The following USH2A variants were observed in gnomAD, a reference collection of about 807,000 sequenced individuals.
USH2A encodes the protein Usher syndrome 2A (autosomal recessive, mild).
USH2A carries 443 observed loss-of-function variants against 538.9 expected under a neutral mutation model. The ratio of observed to expected loss-of-function variants is 0.82; its 90% CI spans 0.76 to 0.89. The LOEUF is 0.89. Among genes scored for constraint, USH2A ranks in the 40% least tolerant of loss-of-function variants. USH2A has a pLI of 0.00. For missense variants in USH2A, 6,633 were observed against 6,324.8 expected, an observed-to-expected ratio of 1.05 and a Z score of -1.65; for synonymous variants, 2,413 against 2,273.5, an observed-to-expected ratio of 1.06 and a Z score of -1.75.
intron 19 of USH2A, 115 bp from the exon 20 acceptor site, chr1:216,190,482 C>T: frequency 2.2e-6 from 3 of 1,383,224 alleles, no homozygotes; most frequent in Non-Finnish European, 2.9e-6. Flanking sequence ...TATTGCCAAC[C>T]ACCATTAGGA....
chr1:216,084,737 G>A lies in USH2A; in HGVS notation c.5128C>T (p.Pro1710Ser). 2 of 1,613,348 alleles carry A rather than the reference G, an allele frequency of 1.2e-6. No individual in the cohort carries two copies. The highest frequency in any genetic ancestry group is 1.1e-5 in the South Asian group (1 of 91,074). The change falls in exon 25 of 72, where the codon CCC becomes TCC. Residue 1710 changes from proline (P) to serine (S), a missense_variant. Pro to Ser is a moderately conservative substitution (Grantham distance 74). Coordinates refer to ENST00000307340, the MANE Select transcript of USH2A (RefSeq NM_206933.4). ...TGAGCTCCCTCATTTAATGAAGCGG[G>A]ACATCCCTCCCAGCTGTTATACACG... ...INVYNSWEGC[P>S]ASLNEGAQFL... is the part of the protein sequence containing the mutation.
chr1:216,134,445 G>A (rs2033439720), intron 21 of USH2A, among the ~76,000 whole-genome samples: 2 of 151,954 alleles, frequency 1.3e-5, no homozygotes, highest in African/African-American at 2.4e-5. Flanking sequence ...ACAGAATAAG[G>A]GATGTCATCT....
At chr1:215,754,429 T>C (rs1197117009) in intron 58 of USH2A, among the ~76,000 whole-genome samples, 1 of 152,146 alleles carries the variant, frequency 6.6e-6, no homozygotes, top group Non-Finnish European at 1.5e-5. Flanking sequence ...TTAGGTAATT[T>C]TTCAGTTGCC....
chr1:215,957,910 C>T (rs1262980425), intron 37 of USH2A, among the ~76,000 whole-genome samples: 1 of 152,112 alleles, frequency 6.6e-6, no homozygotes, highest in Non-Finnish European at 1.5e-5. Flanking sequence ...CCCCCACTGG[C>T]GGGTTTTCCC....
intron 23 of USH2A, among the ~76,000 whole-genome samples, chr1:216,087,649 G>T (rs2032175060): frequency 6.6e-6 from 1 of 152,118 alleles, no homozygotes; most frequent in African/African-American, 2.4e-5. Flanking sequence ...ACAGGCATGA[G>T]CTAGATTTAG....
At chr1:215,729,658 TCTCA>T (rs1171743378) in intron 60 of USH2A, among the ~76,000 whole-genome samples, 1 of 152,194 alleles carries the variant, frequency 6.6e-6, no homozygotes, top group African/African-American at 2.4e-5. Context: ...TGAGACTGGG[TCTCA>T]CTCTGTCACT....
intron 58 of USH2A, among the ~76,000 whole-genome samples, chr1:215,755,400 C>G (rs1008231558): frequency 6.6e-6 from 1 of 152,142 alleles, no homozygotes; most frequent in Non-Finnish European, 1.5e-5. Context: ...TCTCCACTTA[C>G]AAATTTATTT....
At chr1:215,950,504 CTT>C (rs11326101) in intron 37 of USH2A, among the ~76,000 whole-genome samples, 4,867 of 131,190 alleles carry the variant, frequency 0.037, 86 homozygotes, top group Middle Eastern at 0.096. Flanking sequence ...TAATTGCTAC[CTT>C]TTTTTTTTTT....
intron 43 of USH2A, among the ~76,000 whole-genome samples, chr1:215,872,373 C>A (rs944672592): frequency 6.6e-6 from 1 of 152,224 alleles, no homozygotes; most frequent in South Asian, 2.1e-4. Context: ...ATGTTGATCA[C>A]ACTTGAATAT....
chr1:215,775,094 C>CT (rs994365996), intron 55 of USH2A, among the ~76,000 whole-genome samples: 21 of 151,994 alleles, frequency 1.4e-4, no homozygotes, highest in South Asian at 4.1e-4. Flanking sequence ...ACTCCCAAAG[C>CT]TTTTTGAGGA....
chr1:215,965,250 A>G (rs1404679965), intron 37 of USH2A, 67 bp downstream of exon 37: 1 of 1,524,230 alleles, frequency 6.6e-7, no homozygotes, highest in African/African-American at 1.4e-5. Context: ...AGCCAAAAGA[A>G]AGATTTTAAA....
chr1:215,898,398 G>T (rs1358256468), intron 40 of USH2A, among the ~76,000 whole-genome samples: 1 of 152,146 alleles, frequency 6.6e-6, no homozygotes, highest in Non-Finnish European at 1.5e-5. Flanking sequence ...CCAAAGGTAA[G>T]TTTGCTCAAC....
chr1:215,854,825 T>C (rs943739617), intron 44 of USH2A, among the ~76,000 whole-genome samples: 2 of 152,228 alleles, frequency 1.3e-5, no homozygotes, highest in African/African-American at 4.8e-5. Context: ...CCATGTTGTC[T>C]GTTTCTTACT....
rs201325866 is a variant in USH2A, at chr1:215,640,651, C to T, written c.14875G>A (p.Gly4959Ser). Residue 4959 changes from glycine to serine, a missense_variant, in exon 68 of 72, where the codon GGC (glycine) becomes AGC (serine). By Grantham distance (56) the Gly-to-Ser change is moderately conservative. Coordinates refer to ENST00000307340, the MANE Select transcript of USH2A (RefSeq NM_206933.4). ...VNWSDTFLLN[G>S]QLKEYVLTDG... is the part of the protein sequence containing the mutation. ...GTTAACACGTACTCCTTCAGTTGGC[C>T]GTTCAGGAGGAAGGTGTCACTCCAG... 20 of 1,613,794 alleles carry T rather than the reference C, an allele frequency of 1.2e-5. No homozygotes were observed. Among genetic ancestry groups the T allele is most frequent in the Middle Eastern group, 3.3e-4 (2 of 6,060 alleles).
At chr1:216,181,877 C>T (rs2034500467) in intron 20 of USH2A, among the ~76,000 whole-genome samples, 1 of 152,080 alleles carries the variant, frequency 6.6e-6, no homozygotes, top group Non-Finnish European at 1.5e-5. Context: ...AGTTAATGCA[C>T]TGTGTACATG....
chr1:215,970,566 T>C lies in USH2A; in HGVS notation c.6957+59A>G, dbSNP rs1330224714. On this transcript the variant is annotated intron_variant, in intron 36 of 71. Transcript: ENST00000307340. ...GAGTCACCGCCACTTACTTCTTCCT[T>C]AATATTCAGTGTCATCTGACATTTA... 8.7e-6 allele frequency: 14 copies of C among 1,608,966 alleles called. 1 individual carries two copies. The highest frequency in any genetic ancestry group is 7.7e-5 in the South Asian group (7 of 90,950).
chr1:216,263,387 G>A (rs972221573), intron 11 of USH2A, among the ~76,000 whole-genome samples: 14 of 152,148 alleles, frequency 9.2e-5, no homozygotes, highest in South Asian at 4.1e-4. Context: ...CTGGCAGACC[G>A]AATCCAACAG....
intron 30 of USH2A, among the ~76,000 whole-genome samples, chr1:216,058,754 T>C (rs1206096776): frequency 6.6e-6 from 1 of 152,200 alleles, no homozygotes; most frequent in Non-Finnish European, 1.5e-5. Flanking sequence ...AGTAGTTCAA[T>C]ACTCAGTCCA....
At chr1:215,877,507 CA>C (rs1664800992) in intron 43 of USH2A, among the ~76,000 whole-genome samples, 1 of 152,086 alleles carries the variant, frequency 6.6e-6, no homozygotes, top group African/African-American at 2.4e-5. Flanking sequence ...GTGACAAAGG[CA>C]ATAGGTTAAG....
Sources: gnomAD v4.1 joint callset for allele counts (sites outside exome capture counted in the v4.1 genomes callset) on GRCh38, gnomAD v4.1.1 for gene constraint, MANE v1.5 for transcripts, NCBI Gene and HGNC (gene_info 2026-07-23, HGNC 2026-07-21) for gene names.